Variants in OSBPL10 observed in about 807,000 individuals in gnomAD.
The protein encoded by OSBPL10 is oxysterol-binding protein-related protein 10.
Under a neutral mutation model 81.7 loss-of-function variants are expected in OSBPL10, and 49 were observed. That is an observed-to-expected ratio of 0.60 (90% CI 0.48 to 0.76). The LOEUF (loss-of-function observed/expected upper bound fraction) is 0.76, where lower values mean the gene tolerates loss of function less well. OSBPL10 is among the 30% of genes least tolerant of loss of function. The pLI is 0.00. For synonymous variants in OSBPL10, 419 were observed against 383.6 expected (o/e 1.09, Z -1.08); for missense variants, 923 against 987.8 (o/e 0.93, Z 0.88).
At chr3:31,765,855 G>C in intron 4 of OSBPL10, among the ~76,000 whole-genome samples, 1 of 152,130 alleles carries the variant, frequency 6.6e-6, no homozygotes, top group East Asian at 1.9e-4. Context: ...CACAGAGAAA[G>C]TTTAGTAACA....
chr3:32,020,719 A>C (rs901195146), intron 2 of OSBPL10, among the ~76,000 whole-genome samples: 2 of 152,116 alleles, frequency 1.3e-5, no homozygotes, highest in African/African-American at 2.4e-5. Flanking sequence ...CCAGGAGAAA[A>C]AAAAAAAAGA....
At chr3:31,986,339 C>A (rs1377717668) in intron 2 of OSBPL10, 1 of 152,244 alleles carries the variant, frequency 6.6e-6, no homozygotes, top group Admixed American at 6.5e-5. Flanking sequence ...GTTCTTGCTG[C>A]CTGAACTTCA....
chr3:31,815,980 G>A (rs1699824479), intron 4 of OSBPL10, among the ~76,000 whole-genome samples: 1 of 152,210 alleles, frequency 6.6e-6, no homozygotes, highest in Non-Finnish European at 1.5e-5. Context: ...TTGCCACTTA[G>A]CTTCCTTCTG....
At chr3:31,855,025 T>C (rs1700875402) in intron 3 of OSBPL10, among the ~76,000 whole-genome samples, 1 of 151,922 alleles carries the variant, frequency 6.6e-6, no homozygotes, top group Non-Finnish European at 1.5e-5. Flanking sequence ...TTTTGTTTTG[T>C]TTTTGTTTTT....
intron 4 of OSBPL10, among the ~76,000 whole-genome samples, chr3:31,757,790 T>C (rs1446379109): frequency 2.0e-5 from 3 of 152,218 alleles, no homozygotes; most frequent in South Asian, 2.1e-4. Context: ...ATTTTCAGAA[T>C]TGTGTAACAG....
chr3:32,022,032 C>G (rs754486720), intron 2 of OSBPL10, among the ~76,000 whole-genome samples: 1 of 151,550 alleles, frequency 6.6e-6, no homozygotes, highest in Non-Finnish European at 1.5e-5. Context: ...AGTCGTTTGT[C>G]AGGTACATGA....
chr3:31,787,303 C>T (rs905184816), intron 4 of OSBPL10, among the ~76,000 whole-genome samples: 1 of 152,070 alleles, frequency 6.6e-6, no homozygotes, highest in Non-Finnish European at 1.5e-5. Flanking sequence ...ATAATGGATT[C>T]GAAAGACATG....
At chr3:31,881,434 A>G (rs1695574872) in intron 1 of OSBPL10, among the ~76,000 whole-genome samples, 2 of 152,228 alleles carry the variant, frequency 1.3e-5, no homozygotes, top group African/African-American at 4.8e-5. Flanking sequence ...CGTCTGTACT[A>G]CCAACTCAGG....
At chr3:31,706,903 T>C (rs537625802) in intron 6 of OSBPL10, among the ~76,000 whole-genome samples, 18 of 152,324 alleles carry the variant, frequency 1.2e-4, no homozygotes, top group African/African-American at 3.1e-4. Flanking sequence ...CTCTCTTTCC[T>C]GGCACTTCAC....
chr3:31,687,920 TAA>T (rs1575476570), intron 7 of OSBPL10, among the ~76,000 whole-genome samples: 2 of 150,216 alleles, frequency 1.3e-5, no homozygotes, highest in East Asian at 3.9e-4. Context: ...ATAATAATAA[TAA>T]TAATTTTTTT....
intron 2 of OSBPL10, among the ~76,000 whole-genome samples, chr3:32,024,967 T>A (rs894291806): frequency 3.3e-5 from 5 of 152,194 alleles, no homozygotes; most frequent in Non-Finnish European, 7.4e-5. Context: ...CTACTTCTCT[T>A]TTGCAACATG....
intron 4 of OSBPL10, among the ~76,000 whole-genome samples, chr3:31,756,416 A>G (rs79881457): frequency 0.019 from 2,930 of 152,266 alleles, 96 homozygotes; most frequent in African/African-American, 0.066. Flanking sequence ...CATTCCATCA[A>G]CAACCATCCC....
intron 3 of OSBPL10, among the ~76,000 whole-genome samples, chr3:31,863,413 A>T (rs1701104815): frequency 6.6e-6 from 1 of 152,240 alleles, no homozygotes; most frequent in Admixed American, 6.5e-5. Flanking sequence ...ACATACTTTA[A>T]AAAAGTAAAC....
intron 7 of OSBPL10, among the ~76,000 whole-genome samples, chr3:31,695,276 TC>T (rs1386161303): frequency 2.0e-5 from 3 of 152,166 alleles, no homozygotes; most frequent in African/African-American, 7.2e-5. Context: ...TTAGACTAAA[TC>T]CTCTGAGAAA....
At chr3:31,663,564 G>A in intron 11 of OSBPL10, 1 of 1,006,158 alleles carries the variant, frequency 9.9e-7, no homozygotes, top group Non-Finnish European at 1.2e-6. Context: ...GACAGCAACA[G>A]CATTTTAGGC....
intron 3 of OSBPL10, among the ~76,000 whole-genome samples, chr3:31,846,108 G>C (rs1312341050): frequency 1.3e-5 from 2 of 152,182 alleles, no homozygotes; most frequent in Non-Finnish European, 2.9e-5. Context: ...TGCCTCCCAG[G>C]CTCAAGCAAT....
intron 2 of OSBPL10, among the ~76,000 whole-genome samples, chr3:32,043,098 A>G (rs1471185206): frequency 6.6e-6 from 1 of 152,136 alleles, no homozygotes; most frequent in African/African-American, 2.4e-5. Flanking sequence ...AGACCAGGGC[A>G]CATTTCAGCC....
chr3:31,868,284 T>C (rs1701231828), intron 3 of OSBPL10, among the ~76,000 whole-genome samples: 1 of 152,102 alleles, frequency 6.6e-6, no homozygotes, highest in Non-Finnish European at 1.5e-5. Flanking sequence ...GCTACTTCCA[T>C]TATAGAAAAA....
At chr3:31,797,527 C>G (rs1257597537) in intron 4 of OSBPL10, among the ~76,000 whole-genome samples, 1 of 152,112 alleles carries the variant, frequency 6.6e-6, no homozygotes, top group African/African-American at 2.4e-5. Flanking sequence ...TCATGCAAAC[C>G]GTTTAACCTC....
Sources: gnomAD v4.1 joint callset for allele counts (sites outside exome capture counted in the v4.1 genomes callset) on GRCh38, gnomAD v4.1.1 for gene constraint, MANE v1.5 for transcripts, NCBI Gene and HGNC (gene_info 2026-07-23, HGNC 2026-07-21) for gene names.